The following ENKUR variants were observed in gnomAD, a reference collection of about 807,000 sequenced individuals.
ENKUR encodes the protein enkurin.
In ENKUR, 19 loss-of-function variants were observed where a neutral mutation model predicts 27.6. The observed-to-expected ratio is 0.69, with a 90% CI of 0.48 to 1.01. The LOEUF is 1.01. Among genes scored for constraint, ENKUR ranks in the 50% least tolerant of loss-of-function variants. The pLI, the probability that ENKUR is intolerant of heterozygous loss-of-function variation, is 0.00. For missense variants in ENKUR, 312 were observed against 310.5 expected, an observed-to-expected ratio of 1.00 and a Z score of -0.04; for synonymous variants, 117 against 96.9, an observed-to-expected ratio of 1.21 and a Z score of -1.22.
chr10:25,012,639 T>G (rs1020407074), intron 1 of ENKUR, among the ~76,000 whole-genome samples: 30 of 152,230 alleles, frequency 2.0e-4, no homozygotes, highest in African/African-American at 7.2e-4. Context: ...TTTTGGCCAA[T>G]TTCTGCTATT....
At chr10:24,994,157 C>G (rs1449334630) in intron 3 of ENKUR, among the ~76,000 whole-genome samples, 2 of 152,102 alleles carry the variant, frequency 1.3e-5, no homozygotes, top group African/African-American at 4.8e-5. Flanking sequence ...CATGGTAGAT[C>G]ACTGGACTCT....
intron 1 of ENKUR, among the ~76,000 whole-genome samples, chr10:25,005,268 T>A (rs188034435): frequency 2.0e-5 from 3 of 152,226 alleles, no homozygotes; most frequent in Admixed American, 1.3e-4. Flanking sequence ...ATTCTCAAAC[T>A]AAAATTGTCA....
At chr10:25,009,986 C>T (rs928152471) in intron 1 of ENKUR, among the ~76,000 whole-genome samples, 5 of 152,084 alleles carry the variant, frequency 3.3e-5, no homozygotes, top group African/African-American at 1.2e-4. Context: ...AAATTGGTAC[C>T]AGTAGAGTGG....
At position 25,054,020 on chromosome 10, in the gene ENKUR, G is replaced by C. The variant is rs186653634; in HGVS notation, c.37+7092C>G. Among the ~76,000 whole-genome samples the C allele has an allele frequency of 1.4e-3, 212 of 152,134 alleles. 1 individual carries two copies. The highest frequency in any genetic ancestry group is 4.5e-3 in the African/African-American group (188 of 41,496). On this transcript the variant is annotated intron_variant, in intron 2 of 5. Transcript: ENST00000615958. ...TCCTTTATATTGTCACTACTGGTTG[G>C]GTAACTCCAAGCCACACATATATTA...
At chr10:25,033,804 T>C (rs1358804115) in intron 2 of ENKUR, among the ~76,000 whole-genome samples, 3 of 149,714 alleles carry the variant, frequency 2.0e-5, no homozygotes, top group African/African-American at 5.0e-5. Flanking sequence ...TTAGTATGTA[T>C]GTATGTATGT....
chr10:25,050,821 G>A (rs913631957), intron 2 of ENKUR, among the ~76,000 whole-genome samples: 5 of 152,150 alleles, frequency 3.3e-5, no homozygotes, highest in Non-Finnish European at 7.3e-5. Flanking sequence ...AATAAGTGGA[G>A]TTAAGTCAGA....
chr10:25,025,634 T>C, intron 2 of ENKUR: 2 of 632,048 alleles, frequency 3.2e-6, no homozygotes, highest in Non-Finnish European at 5.5e-6. Flanking sequence ...CTCAGATCTT[T>C]AATCTGGAAG....
intron 2 of ENKUR, chr10:25,025,389 CTG>C: frequency 1.9e-6 from 3 of 1,614,174 alleles, no homozygotes; most frequent in South Asian, 2.2e-5. Context: ...AGTACCAGGT[CTG>C]TGCAGCTGAT....
chr10:24,988,222 T>A (rs1010028117), intron 4 of ENKUR, among the ~76,000 whole-genome samples: 9 of 143,188 alleles, frequency 6.3e-5, no homozygotes, highest in Non-Finnish European at 1.1e-4. Context: ...AGACTTCATC[T>A]CAAAAAAAAA....
chr10:25,030,373 A>G (rs979312970), intron 2 of ENKUR, among the ~76,000 whole-genome samples: 4 of 152,224 alleles, frequency 2.6e-5, no homozygotes, highest in African/African-American at 9.7e-5. Context: ...TGTATAGACT[A>G]GATTAATATT....
At position 25,015,407 on chromosome 10, in the gene ENKUR, A is replaced by G. The variant is rs143397786; in HGVS notation, c.77+453T>C. Among the ~76,000 whole-genome samples, 47 of 152,334 alleles carry G rather than the reference A, an allele frequency of 3.1e-4. 1 individual carries two copies. Among genetic ancestry groups the G allele is most frequent in the African/African-American group, 1.1e-3 (47 of 41,580 alleles). On this transcript the variant is annotated intron_variant, in intron 1 of 5. Coordinates refer to ENST00000331161, the MANE Select transcript of ENKUR (RefSeq NM_145010.4). ...AAGCAAATGTAAATTTATATTTCAT[A>G]AAAATCTTGGGGGAAAAGTCCTATC...
Position 25,001,924 on chromosome 10 carries a change from C to T in ENKUR, c.78-2378G>A, listed in dbSNP as rs576775162. ...ATGCCTGGTAATTTTTGATTGGATG[C>T]CAAACATTGTGAATTTTACATTGTT... On this transcript the variant is annotated intron_variant, in intron 1 of 5. Coordinates refer to ENST00000331161, the MANE Select transcript of ENKUR (RefSeq NM_145010.4). Among the ~76,000 whole-genome samples the T allele has an allele frequency of 3.3e-5, 5 of 152,178 alleles. No individual in the cohort carries two copies. The East Asian group carries it at 7.7e-4, about 24-fold the overall frequency.
rs756699065 is a variant in ENKUR, at chr10:24,995,630, TA to T, written c.447+15del. The T allele has an allele frequency of 3.1e-6, 5 of 1,595,438 alleles. No individual in the cohort carries two copies. Among genetic ancestry groups the T allele is most frequent in the Non-Finnish European group, 4.3e-6 (5 of 1,170,768 alleles). The stretch of plus-strand genomic sequence containing the variant: ...ATTTGAATTTCAGCCCTCTTATTAA[TA>T]TACCACAAGGCTACCTTTTTATTGA... On this transcript the variant is annotated intron_variant, in intron 3 of 5. Coordinates refer to ENST00000331161, the MANE Select transcript of ENKUR (RefSeq NM_145010.4).
intron 1 of ENKUR, among the ~76,000 whole-genome samples, chr10:25,014,547 A>G (rs1337198609): frequency 6.6e-6 from 1 of 152,172 alleles, no homozygotes; most frequent in Non-Finnish European, 1.5e-5. Context: ...TAGATGCAGT[A>G]AAGCTTTTTA....
intron 4 of ENKUR, among the ~76,000 whole-genome samples, chr10:24,986,721 C>T (rs752704422): frequency 6.6e-6 from 1 of 152,060 alleles, no homozygotes; most frequent in Admixed American, 6.6e-5. Context: ...TGTACAATAA[C>T]GTTTGGATCA....
At chr10:25,024,079 G>C (rs777832458) in intron 2 of ENKUR, 7 of 1,614,194 alleles carry the variant, frequency 4.3e-6, no homozygotes, top group Middle Eastern at 1.6e-4. Flanking sequence ...CCTAGTAGGA[G>C]CAACCTACGT....
At chr10:24,986,205 C>G (rs1035116919) in intron 4 of ENKUR, among the ~76,000 whole-genome samples, 2 of 152,194 alleles carry the variant, frequency 1.3e-5, no homozygotes, top group Admixed American at 1.3e-4. Context: ...ATAGTAAGCT[C>G]TTGTACAAAT....
intron 2 of ENKUR, among the ~76,000 whole-genome samples, chr10:25,059,616 C>CA (rs1851304650): frequency 6.6e-6 from 1 of 152,188 alleles, no homozygotes; most frequent in Admixed American, 6.5e-5. Flanking sequence ...CTGGTACCCC[C>CA]ACTGGGCACC....
In ENKUR at chr10:25,033,811, A is replaced by G. The variant is rs922213551; in HGVS notation, c.37+27301T>C. On this transcript the variant is annotated intron_variant, in intron 2 of 5. Transcript: ENST00000615958. ...AACTGTGTTTAGTATGTATGTATGT[A>G]TGTGTGTGTGTGTGTCTATCTATCT... is the stretch of plus-strand genomic sequence containing the variant. 4.7e-5 allele frequency among the ~76,000 whole-genome samples: 7 copies of G among 148,002 alleles called. No individual in the cohort carries two copies. In the East Asian group the frequency reaches 7.9e-4, roughly 17 times the overall value.
Sources: gnomAD v4.1 joint callset for allele counts (sites outside exome capture counted in the v4.1 genomes callset) on GRCh38, gnomAD v4.1.1 for gene constraint, MANE v1.5 for transcripts, NCBI Gene and HGNC (gene_info 2026-07-23, HGNC 2026-07-21) for gene names.